Variants in SHF observed in about 807,000 individuals in gnomAD.
The protein encoded by SHF is SH2 domain-containing adapter protein F.
SHF carries 30 observed loss-of-function variants against 42.4 expected under a neutral mutation model. The ratio of observed to expected loss-of-function variants is 0.71; its 90% CI spans 0.53 to 0.96. The LOEUF (loss-of-function observed/expected upper bound fraction) is 0.96, where lower values mean the gene tolerates loss of function less well. Ranked by LOEUF, SHF falls within the 40% of genes least tolerant of loss-of-function variation. SHF has a pLI of 0.00. For missense variants in SHF, 598 were observed against 634.0 expected (o/e 0.94, Z 0.61); for synonymous variants, 264 against 269.9 (o/e 0.98, Z 0.21).
At chr15:45,200,035 G>T (rs1235710225) in intron 1 of SHF, 2 of 143,768 alleles carry the variant, frequency 1.4e-5, no homozygotes, top group Non-Finnish European at 3.0e-5. Context: ...CTCTGTACAC[G>T]AAATCATCCT....
chr15:45,173,085 T>A (rs562914270), intron 4 of SHF, among the ~76,000 whole-genome samples: 1 of 152,360 alleles, frequency 6.6e-6, no homozygotes, highest in East Asian at 1.9e-4. Context: ...ACACACACCC[T>A]TGGGTGCCCA....
intron 1 of SHF, chr15:45,199,258 G>T: frequency 1.5e-6 from 1 of 659,234 alleles, no homozygotes; most frequent in Non-Finnish European, 2.4e-6. Context: ...TGCTTCCGCC[G>T]TGCCAGGTGC....
intron 1 of SHF, among the ~76,000 whole-genome samples, chr15:45,182,037 A>G (rs1425708978): frequency 6.6e-6 from 1 of 152,044 alleles, no homozygotes. Context: ...TGTCTGTTCC[A>G]ATTGGGCATT....
At chr15:45,198,577 A>C (rs572878207) in intron 2 of SHF, 12 of 574,114 alleles carry the variant, frequency 2.1e-5, no homozygotes, top group Admixed American at 7.0e-5. Flanking sequence ...AAAAATACCG[A>C]GCCCCTTGCC....
upstream of SHF, among the ~76,000 whole-genome samples, chr15:45,190,335 T>C (rs1313947934): frequency 2.0e-5 from 3 of 152,220 alleles, no homozygotes; most frequent in African/African-American, 7.2e-5. Context: ...AGTTAATGTA[T>C]ATCAGAGAGT....
intron 2 of SHF, among the ~76,000 whole-genome samples, chr15:45,194,662 T>G (rs1898812412): frequency 6.6e-6 from 1 of 151,858 alleles, no homozygotes; most frequent in Non-Finnish European, 1.5e-5. Flanking sequence ...TCCTGTGTCC[T>G]TTTGACTTGG....
At chr15:45,189,158 A>C (rs1205348069), upstream of SHF, among the ~76,000 whole-genome samples, 10 of 149,272 alleles carry the variant, frequency 6.7e-5, no homozygotes, top group East Asian at 2.0e-3. Flanking sequence ...GCGCGACTGC[A>C]CTCCAGCCAG....
intron 6 of SHF, chr15:45,170,533 A>C: frequency 1.1e-6 from 1 of 945,432 alleles, no homozygotes; most frequent in Non-Finnish European, 1.4e-6. Context: ...GTAGAAACCG[A>C]GGCTCGGAGA....
chr15:45,187,325 T>C lies in SHF; in HGVS notation c.498+129A>G, dbSNP rs373485756. ...TGGGTGAAGGCTCGGAACCCCGGGG[T>C]CAGGGGCTCGCGTCTGCCAGAAGCT... On this transcript the variant is annotated intron_variant, in intron 1 of 6. Coordinates refer to ENST00000690270, the MANE Select transcript of SHF (RefSeq NM_001394037.1). 5.3e-4 allele frequency: 484 copies of C among 918,626 alleles called. 4 individuals carry two copies. The East Asian group carries it at 0.011, about 20-fold the overall frequency. The allele number at this position is 918,626 out of a possible 1,614,324, so 56.9% of individuals were successfully genotyped here.
At chr15:45,195,352 C>T (rs1237823142) in intron 2 of SHF, among the ~76,000 whole-genome samples, 1 of 152,184 alleles carries the variant, frequency 6.6e-6, no homozygotes, top group Admixed American at 6.5e-5. Context: ...ACTCTTGCTA[C>T]ACACTGCCCA....
At chr15:45,200,496 G>A (rs1303293705) in intron 1 of SHF, 2 of 352,058 alleles carry the variant, frequency 5.7e-6, no homozygotes, top group Non-Finnish European at 1.1e-5. Flanking sequence ...AGCTACTAGG[G>A]ACACAGGACC....
At chr15:45,171,826 C>G (rs556107740) in intron 6 of SHF, 57 bp downstream of exon 6, 1 of 1,571,892 alleles carries the variant, frequency 6.4e-7, no homozygotes, top group South Asian at 1.2e-5. Flanking sequence ...AAGGGGAATA[C>G]TGGAGTCCCC....
intron 5 of SHF, 51 bp from the exon 6 acceptor site, chr15:45,172,053 C>T (rs1897520157): frequency 6.2e-7 from 1 of 1,613,850 alleles, no homozygotes; most frequent in Non-Finnish European, 8.5e-7. Flanking sequence ...CCCTCGCTGT[C>T]CAGGCCCACC....
intron 1 of SHF, among the ~76,000 whole-genome samples, 190 bp downstream of exon 1, chr15:45,187,264 C>G (rs1369596496): frequency 1.3e-5 from 2 of 152,224 alleles, no homozygotes; most frequent in Non-Finnish European, 2.9e-5. Flanking sequence ...TTGGGGCTTC[C>G]GTCTCAGATT....
chr15:45,175,640 G>A (rs1211905719), intron 2 of SHF, among the ~76,000 whole-genome samples: 4 of 152,156 alleles, frequency 2.6e-5, no homozygotes, highest in African/African-American at 9.7e-5. Flanking sequence ...GGGCAGGTGG[G>A]CACTAGAGTA....
chr15:45,182,671 G>C (rs1426651238), intron 1 of SHF, among the ~76,000 whole-genome samples: 1 of 152,140 alleles, frequency 6.6e-6, no homozygotes, highest in East Asian at 1.9e-4. Context: ...TTAAATCTAA[G>C]GAGTCCTGCA....
At chr15:45,184,678 T>C (rs1176778362) in intron 1 of SHF, among the ~76,000 whole-genome samples, 5 of 152,220 alleles carry the variant, frequency 3.3e-5, no homozygotes, top group Non-Finnish European at 4.4e-5. Context: ...CCTTCCCTAA[T>C]TACACCAGGT....
At chr15:45,198,186 A>G (rs1184177497) in intron 2 of SHF, among the ~76,000 whole-genome samples, 1 of 152,164 alleles carries the variant, frequency 6.6e-6, no homozygotes, top group East Asian at 1.9e-4. Flanking sequence ...AGGCAGGATA[A>G]TCGCTTGAAC....
intron 1 of SHF, chr15:45,200,484 CG>C (rs1899051678): frequency 2.9e-6 from 1 of 343,278 alleles, no homozygotes; most frequent in Non-Finnish European, 5.8e-6. Flanking sequence ...ACGATCACGG[CG>C]AGCTACTAGG....
Sources: gnomAD v4.1 joint callset for allele counts (sites outside exome capture counted in the v4.1 genomes callset) on GRCh38, gnomAD v4.1.1 for gene constraint, MANE v1.5 for transcripts, NCBI Gene and HGNC (gene_info 2026-07-23, HGNC 2026-07-21) for gene names.